The following NEK11 variants were observed in gnomAD, a reference collection of about 807,000 sequenced individuals.
The protein encoded by NEK11 is NIMA related kinase 11.
In NEK11, 72 loss-of-function variants were observed where a neutral mutation model predicts 80.7. The observed-to-expected ratio is 0.89, with a 90% CI of 0.74 to 1.08. The LOEUF (loss-of-function observed/expected upper bound fraction) is 1.08, where lower values mean the gene tolerates loss of function less well. Ranked by LOEUF, NEK11 falls within the 50% of genes least tolerant of loss-of-function variation. The pLI, the probability that NEK11 is intolerant of heterozygous loss-of-function variation, is 0.00. For missense variants in NEK11, 764 were observed against 763.6 expected, an observed-to-expected ratio of 1.00 and a Z score of -0.01; for synonymous variants, 251 against 260.7, an observed-to-expected ratio of 0.96 and a Z score of 0.36.
intron 14 of NEK11, among the ~76,000 whole-genome samples, chr3:131,175,674 T>C (rs1035695463): frequency 5.3e-5 from 8 of 152,186 alleles, no homozygotes; most frequent in Non-Finnish European, 1.0e-4. Context: ...GCTATCTTGA[T>C]TGTGGTGATG....
chr3:131,256,147 T>C (rs1204911526), intron 16 of NEK11, among the ~76,000 whole-genome samples: 3 of 152,142 alleles, frequency 2.0e-5, no homozygotes, highest in Admixed American at 6.6e-5. Context: ...TATTGCACAG[T>C]TGGGTGACCG....
chr3:131,199,025 G>GC (rs1423820012), intron 14 of NEK11, among the ~76,000 whole-genome samples: 1 of 152,162 alleles, frequency 6.6e-6, no homozygotes. Context: ...GGATAATTTT[G>GC]CCCCTACGTA....
intron 17 of NEK11, among the ~76,000 whole-genome samples, chr3:131,294,342 G>A (rs1448706160): frequency 2.6e-5 from 4 of 152,036 alleles, no homozygotes. Flanking sequence ...TTAGAAGTGT[G>A]TTGTTTAATC....
intron 4 of NEK11, among the ~76,000 whole-genome samples, chr3:131,085,218 T>G (rs1187678685): frequency 1.3e-5 from 2 of 152,216 alleles, no homozygotes; most frequent in South Asian, 4.1e-4. Flanking sequence ...GAGTTCCCTA[T>G]TGCCTTGGCA....
At position 131,234,526 on chromosome 3, in the gene NEK11, G is replaced by T. The variant is rs147082896; in HGVS notation, c.1560+5838G>T. Among the ~76,000 whole-genome samples, 16 of 152,320 alleles carry T rather than the reference G, an allele frequency of 1.1e-4. No homozygotes were observed. The East Asian group carries it at 2.9e-3, about 28-fold the overall frequency. On this transcript the variant is annotated intron_variant, in intron 15 of 17. Coordinates refer to ENST00000383366, the MANE Select transcript of NEK11 (RefSeq NM_024800.5). Reference sequence around the variant, plus strand: ...AGCCATCAGCCTTGCTACAGTGTTAGTGGATACTCCCAGTTTGGTGTGTCA... The same window carrying T: ...AGCCATCAGCCTTGCTACAGTGTTATTGGATACTCCCAGTTTGGTGTGTCA...
chr3:131,274,549 G>A (rs1371520545), intron 17 of NEK11, among the ~76,000 whole-genome samples: 2 of 149,548 alleles, frequency 1.3e-5, no homozygotes, highest in Non-Finnish European at 3.0e-5. Flanking sequence ...CTTCCACAAT[G>A]GTTGAACTAG....
chr3:131,182,799 T>C (rs1045279316), intron 14 of NEK11, among the ~76,000 whole-genome samples: 1 of 152,210 alleles, frequency 6.6e-6, no homozygotes, highest in African/African-American at 2.4e-5. Flanking sequence ...CCCTTTTTTA[T>C]ATCTCAGATT....
intron 14 of NEK11, among the ~76,000 whole-genome samples, chr3:131,227,893 G>A (rs1233649142): frequency 6.6e-6 from 1 of 152,142 alleles, no homozygotes; most frequent in Non-Finnish European, 1.5e-5. Context: ...ATTGTCATCA[G>A]CTTAGGTGGG....
chr3:131,234,987 A>G (rs748267124), intron 15 of NEK11, among the ~76,000 whole-genome samples: 5 of 152,150 alleles, frequency 3.3e-5, no homozygotes, highest in African/African-American at 4.8e-5. Flanking sequence ...AGCATGGAGA[A>G]AAAGGAGAAA....
At chr3:131,162,160 C>A (rs149075597) in intron 10 of NEK11, among the ~76,000 whole-genome samples, 1 of 152,014 alleles carries the variant, frequency 6.6e-6, no homozygotes, top group Non-Finnish European at 1.5e-5. Flanking sequence ...TAGTCATTGG[C>A]GATGAAATGA....
intron 4 of NEK11, among the ~76,000 whole-genome samples, chr3:131,106,160 G>A (rs11710784): frequency 0.45 from 68,600 of 151,838 alleles, 17,349 homozygotes; most frequent in Middle Eastern, 0.67. Context: ...CTAGGAGCAT[G>A]TACTTTTTTA....
intron 14 of NEK11, among the ~76,000 whole-genome samples, chr3:131,224,663 C>T (rs867421619): frequency 3.3e-5 from 5 of 152,094 alleles, no homozygotes; most frequent in South Asian, 4.1e-4. Context: ...GATGGAGGCT[C>T]CGTGTGTGTT....
intron 3 of NEK11, among the ~76,000 whole-genome samples, chr3:131,038,324 A>G (rs1215626788): frequency 6.6e-6 from 1 of 152,138 alleles, no homozygotes; most frequent in Non-Finnish European, 1.5e-5. Context: ...AAAGTTTGGG[A>G]GATGGAATGG....
rs183794755 is a variant in NEK11, at chr3:131,230,087, A to G, written c.1560+1399A>G. ...TTCTGGGCCTATGGTTGCAAAACACATGATATGCAAAATACATACAGTGCT... is the reference window on the plus strand; with the variant it reads ...TTCTGGGCCTATGGTTGCAAAACACGTGATATGCAAAATACATACAGTGCT... On this transcript the variant is annotated intron_variant, in intron 15 of 17. Transcript: ENST00000383366. Among the ~76,000 whole-genome samples the G allele has an allele frequency of 2.7e-3, 418 of 152,300 alleles. 1 individual carries two copies. The highest frequency in any genetic ancestry group is 6.8e-3 in the Middle Eastern group (2 of 294).
At chr3:131,337,266 C>T (rs550831498) in intron 17 of NEK11, among the ~76,000 whole-genome samples, 2 of 152,210 alleles carry the variant, frequency 1.3e-5, no homozygotes, top group Admixed American at 1.3e-4. Flanking sequence ...ACATATACAC[C>T]ATGGAATACT....
chr3:131,080,401 T>C, intron 3 of NEK11, 22 bp from the exon 4 acceptor site: 1 of 1,570,194 alleles, frequency 6.4e-7, no homozygotes, highest in Non-Finnish European at 8.7e-7. Context: ...CTAAATGTTT[T>C]TAAAATTTTT....
At chr3:131,197,373 C>T (rs1283241501) in intron 14 of NEK11, among the ~76,000 whole-genome samples, 2 of 152,104 alleles carry the variant, frequency 1.3e-5, no homozygotes, top group Non-Finnish European at 2.9e-5. Context: ...GTCCAGGGGT[C>T]TGCGGTAGAT....
chr3:131,349,243 A>G (rs749955689), intron 17 of NEK11, among the ~76,000 whole-genome samples: 3 of 152,148 alleles, frequency 2.0e-5, no homozygotes, highest in Non-Finnish European at 4.4e-5. Context: ...ATATATACAT[A>G]CGTTTATATA....
intron 5 of NEK11, among the ~76,000 whole-genome samples, chr3:131,128,620 T>C (rs1011675109): frequency 2.0e-5 from 3 of 152,254 alleles, no homozygotes; most frequent in South Asian, 2.1e-4. Flanking sequence ...ATAAACACCA[T>C]TGTGCAGGTT....
Sources: allele counts gnomAD v4.1 joint callset (sites outside exome capture counted in the v4.1 genomes callset), GRCh38; gene constraint gnomAD v4.1.1; transcripts MANE v1.5; gene names NCBI Gene and HGNC (gene_info 2026-07-23, HGNC 2026-07-21).